The following DNAH14 variants were observed in gnomAD, a reference collection of about 807,000 sequenced individuals.
DNAH14 encodes the protein axonemal beta dynein heavy chain 14.
DNAH14 carries 478 observed loss-of-function variants against 520.9 expected under a neutral mutation model. The ratio of observed to expected loss-of-function variants is 0.92; its 90% CI spans 0.85 to 0.99. The LOEUF (loss-of-function observed/expected upper bound fraction) is 0.99, where lower values mean the gene tolerates loss of function less well. Ranked by LOEUF, DNAH14 falls within the 50% of genes least tolerant of loss-of-function variation. DNAH14 has a pLI of 0.00. For synonymous variants in DNAH14, 1,581 were observed against 1,757.2 expected, an observed-to-expected ratio of 0.90 and a Z score of 2.51; for missense variants, 4,831 against 5,234.5, an observed-to-expected ratio of 0.92 and a Z score of 2.38.
In DNAH14 at chr1:225,042,827, T is replaced by G; in HGVS notation, c.1489-8T>G. On this transcript the variant is annotated splice_region_variant and splice_polypyrimidine_tract_variant and intron_variant, in intron 12 of 85. Coordinates refer to ENST00000682510, the MANE Select transcript of DNAH14 (RefSeq NM_001367479.1). ...TCACTGGCACCCTCACATTATCCGT[T>G]AAATTAGATTTTGAATAGTGTTGAA... The G allele has an allele frequency of 6.5e-7, 1 of 1,544,646 alleles. No homozygotes were observed. Among genetic ancestry groups the G allele is most frequent in the Non-Finnish European group, 8.7e-7 (1 of 1,143,206 alleles).
At chr1:225,177,539 G>A (rs1376001346) in intron 36 of DNAH14, among the ~76,000 whole-genome samples, 1 of 152,154 alleles carries the variant, frequency 6.6e-6, no homozygotes, top group Non-Finnish European at 1.5e-5. Context: ...AGGCCTGGAG[G>A]CCTAGGAAGA....
chr1:225,297,306 A>C, intron 55 of DNAH14, among the ~76,000 whole-genome samples: 1 of 151,850 alleles, frequency 6.6e-6, no homozygotes, highest in East Asian at 1.9e-4. Context: ...TTTATCTTGT[A>C]TCTTACTGCA....
chr1:225,001,654 A>G (rs2063783367), intron 8 of DNAH14, among the ~76,000 whole-genome samples: 1 of 152,170 alleles, frequency 6.6e-6, no homozygotes, highest in Non-Finnish European at 1.5e-5. Context: ...CCAAAATTTA[A>G]TACATTTTTA....
intron 36 of DNAH14, among the ~76,000 whole-genome samples, chr1:225,173,840 G>A (rs972396069): frequency 1.3e-5 from 2 of 152,210 alleles, no homozygotes; most frequent in Non-Finnish European, 2.9e-5. Context: ...ATTCACAATA[G>A]CAAAGACTTG....
chr1:225,179,856 T>C (rs2083759959), intron 36 of DNAH14, among the ~76,000 whole-genome samples: 1 of 152,202 alleles, frequency 6.6e-6, no homozygotes, highest in Non-Finnish European at 1.5e-5. Flanking sequence ...CTCTCCTTCA[T>C]GTTAGAAGAG....
chr1:225,363,579 G>A (rs13376645), intron 75 of DNAH14, among the ~76,000 whole-genome samples: 14,218 of 151,966 alleles, frequency 0.094, 935 homozygotes, highest in African/African-American at 0.19. Flanking sequence ...TTTGTCTTTC[G>A]TAACTTTGAT....
At chr1:225,366,023 A>C (rs986491701) in intron 76 of DNAH14, among the ~76,000 whole-genome samples, 9 of 152,342 alleles carry the variant, frequency 5.9e-5, no homozygotes, top group African/African-American at 2.2e-4. Flanking sequence ...CACATAAGTC[A>C]GAAAAACATT....
At chr1:225,333,051 A>G (rs1250089324) in intron 65 of DNAH14, among the ~76,000 whole-genome samples, 1 of 152,156 alleles carries the variant, frequency 6.6e-6, no homozygotes, top group Non-Finnish European at 1.5e-5. Context: ...AGGATTTTAA[A>G]TGGCTGTGTA....
At chr1:225,059,097 T>C (rs1040845615) in intron 17 of DNAH14, among the ~76,000 whole-genome samples, 1 of 152,146 alleles carries the variant, frequency 6.6e-6, no homozygotes, top group African/African-American at 2.4e-5. Context: ...CTTTCTGTCT[T>C]GTTGATGTGT....
chr1:224,936,340 G>A (rs2059035134), intron 1 of DNAH14, among the ~76,000 whole-genome samples: 2 of 151,448 alleles, frequency 1.3e-5, no homozygotes. Flanking sequence ...AACCAGAAAA[G>A]GAGAGAGAAG....
At chr1:224,955,835 A>G (rs961978928) in intron 3 of DNAH14, among the ~76,000 whole-genome samples, 1 of 152,244 alleles carries the variant, frequency 6.6e-6, no homozygotes. Flanking sequence ...CTTAAACAAA[A>G]CAACCCAGAA....
intron 74 of DNAH14, among the ~76,000 whole-genome samples, chr1:225,360,209 G>C (rs1392138741): frequency 1.3e-5 from 2 of 152,158 alleles, no homozygotes. Context: ...AGTGTTCAAT[G>C]GTATATATGC....
intron 38 of DNAH14, among the ~76,000 whole-genome samples, chr1:225,196,891 TG>T (rs2149375797): frequency 6.6e-6 from 1 of 152,218 alleles, no homozygotes; most frequent in South Asian, 2.1e-4. Flanking sequence ...TTGATGGTAT[TG>T]TTTAGTTTTT....
At chr1:225,157,707 G>T (rs544712241) in intron 34 of DNAH14, among the ~76,000 whole-genome samples, 1 of 151,836 alleles carries the variant, frequency 6.6e-6, no homozygotes, top group African/African-American at 2.4e-5. Context: ...AATATTAAAA[G>T]GCCATTGTCA....
intron 43 of DNAH14, among the ~76,000 whole-genome samples, chr1:225,247,777 A>G (rs1424007673): frequency 1.3e-5 from 2 of 152,226 alleles, no homozygotes; most frequent in African/African-American, 2.4e-5. Flanking sequence ...CTGTAATCCC[A>G]GCACTTTGGG....
chr1:225,296,040 G>A (rs2093998880), intron 55 of DNAH14, among the ~76,000 whole-genome samples: 1 of 152,018 alleles, frequency 6.6e-6, no homozygotes, highest in African/African-American at 2.4e-5. Context: ...TGTTTTACCT[G>A]ATATAAATAT....
chr1:225,340,528 A>C lies in DNAH14; in HGVS notation c.10505A>C (p.Asn3502Thr). 6.4e-7 allele frequency: 1 copy of C among 1,551,410 alleles called. No homozygotes were observed. Among genetic ancestry groups the C allele is most frequent in the Middle Eastern group, 1.7e-4 (1 of 5,988 alleles). The change falls in exon 69 of 86, where the codon AAC becomes ACC. Residue 3502 changes from asparagine (N) to threonine (T), a missense_variant. Transcript: ENST00000682510. ...GTTTATAACTTTGTTACTATGATCA[A>C]CTTCACTGTAACATTCCAAGGTTTG... ...PSVYNFVTMI[N>T]FTVTFQGLQD...
At chr1:225,116,967 A>G (rs570350710) in intron 23 of DNAH14, among the ~76,000 whole-genome samples, 3 of 152,294 alleles carry the variant, frequency 2.0e-5, no homozygotes, top group Admixed American at 1.3e-4. Context: ...ACAAGCAAGT[A>G]GACAGTAGCT....
intron 41 of DNAH14, among the ~76,000 whole-genome samples, chr1:225,217,794 G>C (rs771579231): frequency 7.2e-5 from 11 of 152,134 alleles, no homozygotes; most frequent in African/African-American, 1.2e-4. Context: ...TCCAGGTACC[G>C]TCTGTCACGG....
Sources: gnomAD v4.1 joint callset for allele counts (sites outside exome capture counted in the v4.1 genomes callset) on GRCh38, gnomAD v4.1.1 for gene constraint, MANE v1.5 for transcripts, NCBI Gene and HGNC (gene_info 2026-07-23, HGNC 2026-07-21) for gene names.